The following TNS1 variants were observed in gnomAD, a reference collection of about 807,000 sequenced individuals.
The protein encoded by TNS1 is tensin-1.
TNS1 carries 62 observed loss-of-function variants against 168.6 expected under a neutral mutation model. That is an observed-to-expected ratio of 0.37 (90% CI 0.30 to 0.45). TNS1 has a LOEUF of 0.45. Among genes scored for constraint, TNS1 ranks in the 20% least tolerant of loss-of-function variants. The pLI is 1.00. For synonymous variants in TNS1, 934 were observed against 933.2 expected (o/e 1.00, Z -0.02); for missense variants, 2,240 against 2,339.4 (o/e 0.96, Z 0.88).
chr2:217,958,285 AATGCCAG>A (rs1360220668), intron 3 of TNS1, among the ~76,000 whole-genome samples: 2 of 151,584 alleles, frequency 1.3e-5, no homozygotes, highest in Non-Finnish European at 2.9e-5. Context: ...GAAAGGAGAA[AATGCCAG>A]ATGCCGTTAG....
At chr2:217,959,106 G>A (rs2125996826) in intron 3 of TNS1, among the ~76,000 whole-genome samples, 1 of 152,322 alleles carries the variant, frequency 6.6e-6, no homozygotes. Flanking sequence ...CGGCAGCCCA[G>A]GAGTCCTGGT....
chr2:217,923,608 C>T (rs565115432), intron 3 of TNS1, among the ~76,000 whole-genome samples: 2 of 152,176 alleles, frequency 1.3e-5, no homozygotes, highest in Admixed American at 6.5e-5. Flanking sequence ...TCCACGGAGC[C>T]ATCCACAGCC....
rs146317376 is a variant in TNS1 at position 217,950,582 on chromosome 2, C to T, written c.186+28183G>A. Among the ~76,000 whole-genome samples the T allele has an allele frequency of 4.0e-3, 594 of 150,308 alleles. 6 individuals are homozygous for T. The highest frequency in any genetic ancestry group is 0.014 in the African/African-American group (568 of 40,746). On this transcript the variant is annotated intron_variant, in intron 3 of 32. Coordinates refer to ENST00000682258, the MANE Select transcript of TNS1 (RefSeq NM_001387777.1). ...GCTCACATGTGCTGTCCCAGGTAGG[C>T]CCTGGTGCTGGCCAGCTGGTTCCCA...
chr2:217,864,981 T>A (rs1225734313), intron 18 of TNS1, among the ~76,000 whole-genome samples: 1 of 151,956 alleles, frequency 6.6e-6, no homozygotes, highest in East Asian at 1.9e-4. Context: ...GAGGAGCCCA[T>A]GTGGTTCCAT....
At chr2:217,899,925 G>A (rs972126674) in intron 7 of TNS1, among the ~76,000 whole-genome samples, 3 of 152,180 alleles carry the variant, frequency 2.0e-5, no homozygotes, top group African/African-American at 7.2e-5. Context: ...AGGCAGAGAG[G>A]GCAAAACAAA....
chr2:218,027,957 A>G (rs1158357961), intron 1 of TNS1, among the ~76,000 whole-genome samples: 1 of 152,210 alleles, frequency 6.6e-6, no homozygotes, highest in Non-Finnish European at 1.5e-5. Context: ...AATTTCAGCC[A>G]TGGCAGGAAG....
At chr2:217,882,112 C>T (rs1010701731) in intron 17 of TNS1, 2 of 434,024 alleles carry the variant, frequency 4.6e-6, no homozygotes, top group African/African-American at 2.1e-5. Flanking sequence ...GGGACCAGAA[C>T]AGTTTATCCA....
intron 1 of TNS1, among the ~76,000 whole-genome samples, chr2:218,025,267 G>T (rs1265356619): frequency 1.3e-5 from 2 of 152,134 alleles, no homozygotes; most frequent in Non-Finnish European, 2.9e-5. Flanking sequence ...TTTATTTTTT[G>T]AGACAGAGTC....
chr2:217,964,797 C>T (rs1351689846), intron 3 of TNS1, among the ~76,000 whole-genome samples: 1 of 152,184 alleles, frequency 6.6e-6, no homozygotes, highest in Non-Finnish European at 1.5e-5. Flanking sequence ...TGCGCCGGGC[C>T]GCGCCAGAGG....
chr2:218,025,719 C>A (rs1252792842), intron 1 of TNS1, among the ~76,000 whole-genome samples: 1 of 151,938 alleles, frequency 6.6e-6, no homozygotes, highest in Non-Finnish European at 1.5e-5. Flanking sequence ...AGAGATCCCC[C>A]AGATTGGAAT....
At chr2:217,858,159 G>A (rs1279191737) in intron 18 of TNS1, among the ~76,000 whole-genome samples, 5 of 152,042 alleles carry the variant, frequency 3.3e-5, no homozygotes, top group Admixed American at 6.5e-5. Flanking sequence ...CCCCATTCGC[G>A]CACAAGACGA....
intron 19 of TNS1, among the ~76,000 whole-genome samples, chr2:217,843,455 A>C (rs1214871068): frequency 6.6e-6 from 1 of 151,866 alleles, no homozygotes; most frequent in Non-Finnish European, 1.5e-5. Flanking sequence ...TATCCTCTTT[A>C]GCTACCACTC....
intron 18 of TNS1, chr2:217,850,011 T>C (rs1427241881): frequency 1.0e-6 from 1 of 985,272 alleles, no homozygotes; most frequent in African/African-American, 1.7e-5. Context: ...CACTGCCACA[T>C]TTCCAGAGGC....
chr2:217,983,698 G>A (rs958523199), intron 2 of TNS1, among the ~76,000 whole-genome samples: 5 of 152,160 alleles, frequency 3.3e-5, no homozygotes, highest in African/African-American at 7.2e-5. Context: ...TGACCCCGGC[G>A]ATAACCACTC....
upstream of TNS1, among the ~76,000 whole-genome samples, chr2:218,005,971 C>T (rs1046154594): frequency 5.9e-5 from 9 of 152,334 alleles, no homozygotes; most frequent in South Asian, 2.1e-4. Flanking sequence ...CACCCTGTGC[C>T]CAGACCCCTG....
At chr2:217,842,840 G>C (rs1250468027) in intron 19 of TNS1, among the ~76,000 whole-genome samples, 2 of 152,120 alleles carry the variant, frequency 1.3e-5, no homozygotes, top group Non-Finnish European at 2.9e-5. Flanking sequence ...CTCTGCACTT[G>C]TTGCTCCATG....
chr2:217,938,880 G>C (rs550800486), intron 3 of TNS1, among the ~76,000 whole-genome samples: 2 of 152,282 alleles, frequency 1.3e-5, no homozygotes, highest in East Asian at 3.9e-4. Flanking sequence ...ATTGCAGAGA[G>C]AGACAGAGTG....
upstream of TNS1, among the ~76,000 whole-genome samples, chr2:218,013,782 G>A (rs778480312): frequency 5.9e-5 from 9 of 152,098 alleles, no homozygotes; most frequent in Admixed American, 2.0e-4. Flanking sequence ...TGGAGGAGGA[G>A]GAATGACTTC....
intron 22 of TNS1, among the ~76,000 whole-genome samples, chr2:217,824,804 G>A (rs887134131): frequency 6.6e-6 from 1 of 151,990 alleles, no homozygotes; most frequent in Admixed American, 6.6e-5. Context: ...ACTCATCATG[G>A]CTACACCCAG....
Sources: allele counts gnomAD v4.1 joint callset (sites outside exome capture counted in the v4.1 genomes callset), GRCh38; gene constraint gnomAD v4.1.1; transcripts MANE v1.5; gene names NCBI Gene and HGNC (gene_info 2026-07-23, HGNC 2026-07-21).